The following MGMT variants were observed in gnomAD, a reference collection of about 807,000 sequenced individuals.
MGMT encodes O-6-methylguanine-DNA methyltransferase.
In MGMT, 14 loss-of-function variants were observed where a neutral mutation model predicts 15.9. The observed-to-expected ratio is 0.88, with a 90% CI of 0.58 to 1.37. The LOEUF (loss-of-function observed/expected upper bound fraction) is 1.37. Ranked by LOEUF, MGMT falls within the 40% of genes most tolerant of loss-of-function variation. MGMT has a pLI of 0.00. For missense variants in MGMT, 282 were observed against 268.1 expected (o/e 1.05, Z -0.36); for synonymous variants, 130 against 118.2 (o/e 1.10, Z -0.65).
chr10:129,646,754 A>ATATATATATATATATATATATATTTTTTT, intron 2 of MGMT, among the ~76,000 whole-genome samples: 3 of 86,674 alleles, frequency 3.5e-5, no homozygotes, highest in Admixed American at 1.2e-4. Flanking sequence ...ATATATATAT[A>ATATATATATATATATATATATATTTTTTT]TTTTCAGGGA....
At chr10:129,754,382 G>A (rs12246315) in intron 3 of MGMT, among the ~76,000 whole-genome samples, 35,169 of 151,952 alleles carry the variant, frequency 0.23, 4,898 homozygotes, top group Admixed American at 0.35. Context: ...AAGACATTTC[G>A]CCCACCTCTT....
At chr10:129,621,769 G>C (rs1847093426) in intron 2 of MGMT, among the ~76,000 whole-genome samples, 1 of 152,182 alleles carries the variant, frequency 6.6e-6, no homozygotes. Context: ...TATCGAATTT[G>C]CTTTTCAAAA....
chr10:129,657,703 A>ACACACACACACACG (rs1467822718), intron 2 of MGMT, among the ~76,000 whole-genome samples: 3 of 124,512 alleles, frequency 2.4e-5, no homozygotes, highest in Admixed American at 7.6e-5. Context: ...ACACACACAC[A>ACACACACACACACG]CACGCACACA....
intron 2 of MGMT, among the ~76,000 whole-genome samples, chr10:129,567,593 G>GA (rs932432319): frequency 6.6e-5 from 10 of 151,738 alleles, no homozygotes; most frequent in Non-Finnish European, 8.8e-5. Flanking sequence ...TATTCAAGGG[G>GA]AAAAAAAACC....
At chr10:129,600,316 T>G (rs1328787223) in intron 2 of MGMT, among the ~76,000 whole-genome samples, 1 of 152,180 alleles carries the variant, frequency 6.6e-6, no homozygotes, top group Non-Finnish European at 1.5e-5. Flanking sequence ...TGAATTTCCT[T>G]TGTCTCCGAG....
At chr10:129,709,148 A>G (rs1428916623) in intron 3 of MGMT, among the ~76,000 whole-genome samples, 1 of 152,190 alleles carries the variant, frequency 6.6e-6, no homozygotes, top group East Asian at 1.9e-4. Context: ...GGGGATCTCT[A>G]GGATGGGCAG....
chr10:129,552,758 C>T (rs1023089754), intron 2 of MGMT, among the ~76,000 whole-genome samples: 2 of 152,220 alleles, frequency 1.3e-5, no homozygotes, highest in Non-Finnish European at 2.9e-5. Context: ...TGCTGATGTC[C>T]GTGAGGACTG....
At chr10:129,592,622 A>G (rs1323359491) in intron 2 of MGMT, among the ~76,000 whole-genome samples, 2 of 152,164 alleles carry the variant, frequency 1.3e-5, no homozygotes, top group Non-Finnish European at 2.9e-5. Context: ...AGTTCTGTTC[A>G]GGTATCAAAG....
At chr10:129,487,314 G>GT (rs1272121504) in intron 1 of MGMT, among the ~76,000 whole-genome samples, 4 of 152,076 alleles carry the variant, frequency 2.6e-5, no homozygotes, top group Admixed American at 6.6e-5. Context: ...CTGATTATCT[G>GT]TAAAGGCCAA....
At chr10:129,639,925 A>G (rs1847308465) in intron 2 of MGMT, among the ~76,000 whole-genome samples, 1 of 147,436 alleles carries the variant, frequency 6.8e-6, no homozygotes, top group Non-Finnish European at 1.5e-5. Context: ...AATTAAACTG[A>G]TAAATCGGTG....
In MGMT at chr10:129,601,147, G is replaced by A. The variant is rs577535779; in HGVS notation, c.125+64770G>A. On this transcript the variant is annotated intron_variant, in intron 2 of 4. Coordinates refer to ENST00000651593, the MANE Select transcript of MGMT (RefSeq NM_002412.5). ...AAAATTCAACGCATTGGGAAGAGGC[G>A]TCAACATTTGAACCGCAAATGATTA... Among the ~76,000 whole-genome samples the A allele has an allele frequency of 3.3e-5, 5 of 151,430 alleles. No individual in the cohort carries two copies. The South Asian group carries it at 6.3e-4, about 19-fold the overall frequency.
intron 2 of MGMT, among the ~76,000 whole-genome samples, chr10:129,665,171 TTCACCCAC>T (rs1847643498): frequency 1.6e-5 from 1 of 60,852 alleles, no homozygotes; most frequent in African/African-American, 4.6e-5. Flanking sequence ...TCTCTCTCTC[TTCACCCAC>T]TCACCCACCC....
At chr10:129,681,287 A>T (rs940785625) in intron 2 of MGMT, among the ~76,000 whole-genome samples, 41 of 152,136 alleles carry the variant, frequency 2.7e-4, no homozygotes, top group Non-Finnish European at 8.8e-5. Context: ...TGCCATGATG[A>T]TATATAGTGT....
intron 2 of MGMT, among the ~76,000 whole-genome samples, chr10:129,676,202 A>G (rs979777147): frequency 3.3e-5 from 5 of 152,142 alleles, no homozygotes; most frequent in Admixed American, 6.5e-5. Context: ...TCCCCAGGGC[A>G]TTGGGCCGGA....
intron 2 of MGMT, among the ~76,000 whole-genome samples, chr10:129,648,549 T>A (rs1215280648): frequency 6.6e-6 from 1 of 152,252 alleles, no homozygotes; most frequent in Non-Finnish European, 1.5e-5. Context: ...AGAAGCTTAA[T>A]AACAAATATG....
intron 1 of MGMT, among the ~76,000 whole-genome samples, chr10:129,525,766 C>T (rs576127093): frequency 4.6e-5 from 7 of 152,304 alleles, no homozygotes; most frequent in Non-Finnish European, 8.8e-5. Context: ...TTTCAATTTG[C>T]AGGCCTGGTT....
intron 1 of MGMT, among the ~76,000 whole-genome samples, chr10:129,521,577 C>G (rs780103935): frequency 1.7e-4 from 26 of 152,212 alleles, no homozygotes; most frequent in Non-Finnish European, 8.8e-5. Context: ...CTGAGAGACC[C>G]ACCTCAGTCC....
intron 3 of MGMT, among the ~76,000 whole-genome samples, chr10:129,722,016 C>A (rs901878269): frequency 3.3e-5 from 5 of 151,674 alleles, no homozygotes; most frequent in African/African-American, 1.2e-4. Flanking sequence ...TATATATTTT[C>A]TACTAGACAA....
At chr10:129,674,872 G>T (rs1423306501) in intron 2 of MGMT, among the ~76,000 whole-genome samples, 1 of 152,238 alleles carries the variant, frequency 6.6e-6, no homozygotes, top group Non-Finnish European at 1.5e-5. Context: ...TGACCGCCTG[G>T]AGTCCACAGT....
Sources: gnomAD v4.1 joint callset for allele counts (sites outside exome capture counted in the v4.1 genomes callset) on GRCh38, gnomAD v4.1.1 for gene constraint, MANE v1.5 for transcripts, NCBI Gene and HGNC (gene_info 2026-07-23, HGNC 2026-07-21) for gene names.